FBN2: variants seen among roughly 807,000 people sequenced by gnomAD.
FBN2 encodes fibrillin 2.
FBN2 carries 105 observed loss-of-function variants against 355.6 expected under a neutral mutation model. That is an observed-to-expected ratio of 0.30 (90% confidence interval 0.25 to 0.35). The LOEUF (loss-of-function observed/expected upper bound fraction) is 0.35. FBN2 is among the 10% of genes least tolerant of loss of function. The probability of loss-of-function intolerance (pLI) is 1.00; values close to 1 mark genes in which losing one functional copy is unlikely to be tolerated. For missense variants in FBN2, 3,280 were observed against 3,758.7 expected, an observed-to-expected ratio of 0.87 and a Z score of 3.33; for synonymous variants, 1,350 against 1,301.2, an observed-to-expected ratio of 1.04 and a Z score of -0.81.
In FBN2 at chr5:128,374,683, G is replaced by C; in HGVS notation, c.2040C>G (p.Phe680Leu). 1 of 1,613,962 alleles carries C rather than the reference G, an allele frequency of 6.2e-7. No individual in the cohort carries two copies. Among genetic ancestry groups the C allele is most frequent in the Non-Finnish European group, 8.5e-7 (1 of 1,179,910 alleles). Residue 680 changes from phenylalanine to leucine, a missense_variant, in exon 15 of 65, where the codon TTC (phenylalanine) becomes TTG (leucine). Transcript: ENST00000262464. ...CCAGGCCTGGGGGACAGTCACAGCG[G>C]AAGGACCCTTCACTGTTGATGCAGT... is the stretch of plus-strand genomic sequence containing the variant. ...NGHCINSEGS[F>L]RCDCPPGLAV...
intron 5 of FBN2, among the ~76,000 whole-genome samples, chr5:128,465,761 T>C (rs1180454910): frequency 1.3e-5 from 2 of 152,184 alleles, no homozygotes; most frequent in African/African-American, 4.8e-5. Flanking sequence ...ATGGCATGTG[T>C]GATACATAGG....
intron 41 of FBN2, among the ~76,000 whole-genome samples, chr5:128,307,651 T>C (rs912706992): frequency 6.6e-6 from 1 of 150,720 alleles, no homozygotes; most frequent in Non-Finnish European, 1.5e-5. Flanking sequence ...CAATGTATAA[T>C]GAATGAGATG....
chr5:128,358,720 A>T (rs1266179644), intron 19 of FBN2, among the ~76,000 whole-genome samples: 1 of 152,218 alleles, frequency 6.6e-6, no homozygotes, highest in East Asian at 1.9e-4. Context: ...CAATGTAAAA[A>T]AGAAACTAGC....
chr5:128,422,827 A>G (rs1753385929), intron 7 of FBN2, among the ~76,000 whole-genome samples: 1 of 152,210 alleles, frequency 6.6e-6, no homozygotes, highest in Admixed American at 6.5e-5. Context: ...GCAGATTTTG[A>G]CTTCCAGTCA....
chr5:128,336,097 G>T lies in FBN2; in HGVS notation c.3615C>A (p.Ser1205=). ...REDCVDINEC[S]LSDNLCRNGK... ...CATTTCTGCAGAGATTGTCACTCAG[G>T]GAGCATTCATTAATATCTATAAAAG... Residue 1205 remains serine, a synonymous_variant, in exon 28 of 65, where the codon TCC becomes TCA. Coordinates refer to ENST00000262464, the MANE Select transcript of FBN2 (RefSeq NM_001999.4). 1 of 1,613,244 alleles carries T rather than the reference G, an allele frequency of 6.2e-7. No individual in the cohort carries two copies. Among genetic ancestry groups the T allele is most frequent in the Non-Finnish European group, 8.5e-7 (1 of 1,179,432 alleles).
chr5:128,423,328 T>C (rs999062859), intron 7 of FBN2, among the ~76,000 whole-genome samples: 15 of 152,268 alleles, frequency 9.9e-5, no homozygotes, highest in African/African-American at 3.4e-4. Context: ...GAACTCACAG[T>C]TCCACATGGC....
intron 55 of FBN2, among the ~76,000 whole-genome samples, chr5:128,283,128 T>G (rs914148867): frequency 6.6e-6 from 1 of 152,210 alleles, no homozygotes; most frequent in Non-Finnish European, 1.5e-5. Flanking sequence ...AGGCCAGCTC[T>G]TGCACCGGTA....
chr5:128,297,485 G>T (rs1435260295), intron 48 of FBN2, among the ~76,000 whole-genome samples: 1 of 152,052 alleles, frequency 6.6e-6, no homozygotes, highest in Non-Finnish European at 1.5e-5. Context: ...TCTCTTTGTA[G>T]GTCACTCAGG....
intron 52 of FBN2, among the ~76,000 whole-genome samples, chr5:128,288,775 C>G (rs1224487732): frequency 6.6e-6 from 1 of 152,206 alleles, no homozygotes. Flanking sequence ...AATACTCGCC[C>G]TAAAGATGAC....
At position 128,420,997 on chromosome 5, in the gene FBN2, C is replaced by G. The variant is rs962447354; in HGVS notation, c.953-12198G>C. 7.8e-4 allele frequency among the ~76,000 whole-genome samples: 119 copies of G among 152,132 alleles called. 1 individual carries two copies. Among genetic ancestry groups the G allele is most frequent in the African/African-American group, 2.8e-3 (117 of 41,422 alleles). On this transcript the variant is annotated intron_variant, in intron 7 of 64. Transcript: ENST00000262464. ...CCTAAAGAATGGGGTGGAACTTTGG[C>G]ATGCAAGGAAGACAGGAGGGAGGAG...
intron 18 of FBN2, among the ~76,000 whole-genome samples, chr5:128,363,982 A>G (rs1246946444): frequency 6.6e-6 from 1 of 152,232 alleles, no homozygotes; most frequent in East Asian, 1.9e-4. Flanking sequence ...TAAAACTATC[A>G]TGCACAATGA....
chr5:128,341,473 C>A (rs1310941981), intron 25 of FBN2, among the ~76,000 whole-genome samples: 2 of 152,176 alleles, frequency 1.3e-5, no homozygotes, highest in Admixed American at 6.5e-5. Context: ...GACTTACTCC[C>A]CCTCCCCGTC....
chr5:128,372,907 A>T (rs940761734), intron 15 of FBN2, among the ~76,000 whole-genome samples: 5 of 152,178 alleles, frequency 3.3e-5, no homozygotes, highest in Admixed American at 1.3e-4. Context: ...GATTACAGGC[A>T]TGAGCCACTG....
chr5:128,320,496 G>A (rs763107116), intron 34 of FBN2, among the ~76,000 whole-genome samples: 7 of 152,076 alleles, frequency 4.6e-5, no homozygotes, highest in African/African-American at 7.2e-5. Context: ...TAATAGGTGC[G>A]GGCCACCATG....
chr5:128,385,791 T>C (rs988730108), intron 11 of FBN2, among the ~76,000 whole-genome samples: 3 of 152,166 alleles, frequency 2.0e-5, no homozygotes, highest in African/African-American at 7.2e-5. Flanking sequence ...TAATGAGAGG[T>C]GGTGCTGAGC....
chr5:128,517,306 G>A (rs1756305467), intron 5 of FBN2, among the ~76,000 whole-genome samples: 1 of 152,072 alleles, frequency 6.6e-6, no homozygotes, highest in Admixed American at 6.5e-5. Context: ...CTGACTCCCA[G>A]AAAAATGAAG....
At chr5:128,510,797 A>G (rs1196467876) in intron 5 of FBN2, among the ~76,000 whole-genome samples, 1 of 152,192 alleles carries the variant, frequency 6.6e-6, no homozygotes, top group Non-Finnish European at 1.5e-5. Context: ...CAGTACTCAT[A>G]TTGAACTGAC....
chr5:128,456,960 T>C (rs961603995), intron 6 of FBN2, among the ~76,000 whole-genome samples: 15 of 152,262 alleles, frequency 9.9e-5, no homozygotes, highest in South Asian at 4.1e-4. Context: ...GATGGATGAA[T>C]TGACAGAAGT....
intron 7 of FBN2, among the ~76,000 whole-genome samples, chr5:128,443,493 A>C (rs1426119294): frequency 1.1e-4 from 17 of 152,214 alleles, no homozygotes; most frequent in Admixed American, 1.1e-3. Context: ...TCTGTCCTGA[A>C]GGATCTCATT....
Sources: gnomAD v4.1 joint callset for allele counts (sites outside exome capture counted in the v4.1 genomes callset) on GRCh38, gnomAD v4.1.1 for gene constraint, MANE v1.5 for transcripts, NCBI Gene and HGNC (gene_info 2026-07-23, HGNC 2026-07-21) for gene names.